The following PI4K2B variants were observed in gnomAD, a reference collection of about 807,000 sequenced individuals.
PI4K2B encodes the protein phosphatidylinositol 4-kinase type 2 beta.
PI4K2B carries 46 observed loss-of-function variants against 56.6 expected under a neutral mutation model. That is an observed-to-expected ratio of 0.81 (90% confidence interval 0.64 to 1.04). The LOEUF (loss-of-function observed/expected upper bound fraction) is 1.04, where lower values mean the gene tolerates loss of function less well. Ranked by LOEUF, PI4K2B falls within the 50% of genes least tolerant of loss-of-function variation. The probability of loss-of-function intolerance (pLI) is 0.00; values close to 1 mark genes in which losing one functional copy is unlikely to be tolerated. For synonymous variants in PI4K2B, 211 were observed against 223.8 expected (o/e 0.94, Z 0.51); for missense variants, 556 against 607.7 (o/e 0.91, Z 0.89).
intron 1 of PI4K2B, among the ~76,000 whole-genome samples, chr4:25,248,999 GGAGTGGTGATGACTCTTAAC>G (rs1215863739): frequency 6.6e-6 from 1 of 151,996 alleles, no homozygotes; most frequent in East Asian, 1.9e-4. Context: ...TTGAGATTAG[GGAGTGGTGATGACTCTTAAC>G]GAGTATGCTG....
intron 9 of PI4K2B, 153 bp from the exon 10 acceptor site, chr4:25,276,858 TATA>T (rs1376922865): frequency 1.5e-5 from 15 of 984,894 alleles, no homozygotes; most frequent in Middle Eastern, 5.2e-4. Context: ...CATACATTCA[TATA>T]ATACATATTT....
intron 7 of PI4K2B, among the ~76,000 whole-genome samples, chr4:25,266,575 G>A (rs1247830524): frequency 6.6e-6 from 1 of 151,974 alleles, no homozygotes; most frequent in African/African-American, 2.4e-5. Flanking sequence ...AAATGTCTTG[G>A]TTCCATTTTA....
chr4:25,258,583 G>GA (rs1008681414), intron 4 of PI4K2B: 15 of 248,468 alleles, frequency 6.0e-5, no homozygotes, highest in Admixed American at 5.3e-4. Flanking sequence ...AAAAAAAAAT[G>GA]AAAAAAAATT....
At chr4:25,258,581 ATG>A in intron 4 of PI4K2B, 8 of 248,894 alleles carry the variant, frequency 3.2e-5, no homozygotes, top group South Asian at 1.5e-4. Context: ...AAAAAAAAAA[ATG>A]AAAAAAAATT....
At chr4:25,252,600 A>G (rs1351232922) in intron 2 of PI4K2B, 125 bp downstream of exon 2, 2 of 769,290 alleles carry the variant, frequency 2.6e-6, no homozygotes, top group Non-Finnish European at 4.2e-6. Context: ...CTTTTCCAAA[A>G]CAAAGGTCAG....
intron 2 of PI4K2B, chr4:25,254,328 A>C (rs1716174334): frequency 1.5e-6 from 1 of 656,508 alleles, no homozygotes; most frequent in Non-Finnish European, 1.9e-6. Flanking sequence ...GCAAACATGT[A>C]ATGTGGATAT....
intron 1 of PI4K2B, among the ~76,000 whole-genome samples, chr4:25,245,233 T>C (rs1479788967): frequency 2.0e-5 from 3 of 152,162 alleles, no homozygotes; most frequent in East Asian, 1.9e-4. Flanking sequence ...TAACAGTTTA[T>C]ACTAGAAGTC....
At chr4:25,235,238 T>C (rs2109078888) in intron 1 of PI4K2B, among the ~76,000 whole-genome samples, 1 of 152,324 alleles carries the variant, frequency 6.6e-6, no homozygotes. Context: ...GACTTGTTTG[T>C]AAAAAGGCGA....
rs988740404 is a variant in PI4K2B at position 25,256,654 on chromosome 4, A to G, written c.736A>G (p.Arg246Gly). Residue 246 changes from arginine (R) to glycine (G), a missense_variant, in exon 4 of 10, where the codon AGG becomes GGG. By Grantham distance (125) the Arg-to-Gly change is moderately radical. Transcript: ENST00000264864. ...KVPKVGRKFHRIGLPPKIGSF... is the reference protein window; with the variant it reads ...KVPKVGRKFHGIGLPPKIGSF... The stretch of plus-strand genomic sequence containing the variant: ...GCCAAAAGTGGGTAGAAAGTTTCAT[A>G]GGATAGGACTCCCTCCTAAGGTAAG... 3 of 1,613,746 alleles carry G rather than the reference A, an allele frequency of 1.9e-6. No homozygotes were observed. The highest frequency in any genetic ancestry group is 3.3e-5 in the Admixed American group (2 of 59,978).
chr4:25,252,915 A>G (rs896590946), intron 2 of PI4K2B, among the ~76,000 whole-genome samples: 3 of 152,148 alleles, frequency 2.0e-5, no homozygotes, highest in African/African-American at 7.2e-5. Context: ...GCCCAGCCTC[A>G]ATGTTTTGCT....
intron 9 of PI4K2B, among the ~76,000 whole-genome samples, chr4:25,270,837 G>T (rs1394742151): frequency 6.6e-6 from 1 of 152,140 alleles, no homozygotes; most frequent in Non-Finnish European, 1.5e-5. Context: ...TTGTCTTTTA[G>T]CGTCTTATAA....
intron 9 of PI4K2B, among the ~76,000 whole-genome samples, chr4:25,271,482 G>A (rs888087296): frequency 1.3e-5 from 2 of 152,186 alleles, no homozygotes; most frequent in Admixed American, 6.5e-5. Context: ...GTAGGGTACA[G>A]ATTTGCTTAG....
At chr4:25,246,945 T>C (rs182597) in intron 1 of PI4K2B, among the ~76,000 whole-genome samples, 125,179 of 152,220 alleles carry the variant, frequency 0.82, 51,543 homozygotes, top group Non-Finnish European at 0.83. Context: ...ACCTGGAACT[T>C]GCGCTGGCCT....
At chr4:25,260,869 ATT>A (rs60224286) in intron 6 of PI4K2B, among the ~76,000 whole-genome samples, 59,980 of 105,330 alleles carry the variant, frequency 0.57, 15,257 homozygotes, top group Non-Finnish European at 0.65. Context: ...TTGATTCTTG[ATT>A]TTTTTTTTTT....
chr4:25,235,998 TAAACAAC>T (rs1371535993), intron 1 of PI4K2B, among the ~76,000 whole-genome samples: 3 of 119,252 alleles, frequency 2.5e-5, no homozygotes, highest in African/African-American at 2.5e-5. Flanking sequence ...CTATAAAAAA[TAAACAAC>T]AACAACAACA....
rs1288133652 is a variant in PI4K2B at position 25,278,289 on chromosome 4, A to C, written c.*1102A>C. On this transcript the variant is annotated 3_prime_UTR_variant, in exon 10 of 10. Coordinates refer to ENST00000264864, the MANE Select transcript of PI4K2B (RefSeq NM_018323.4). Reference sequence around the variant, plus strand: ...GTCTGACATTATTGGAATTTGTAACATTGTTAATGCACTAAGTGATTTAAA... The same window carrying C: ...GTCTGACATTATTGGAATTTGTAACCTTGTTAATGCACTAAGTGATTTAAA... 6.6e-6 allele frequency: 1 copy of C among 152,216 alleles called. No homozygotes were observed. Among genetic ancestry groups the C allele is most frequent in the Non-Finnish European group, 1.5e-5 (1 of 68,042 alleles). The allele number at this position is 152,216 out of a possible 1,614,324, so 9.4% of individuals were successfully genotyped here. A position where few individuals can be genotyped will look rare whatever the true frequency, so the allele number is the denominator to read the frequency against.
chr4:25,268,345 T>G (rs1262548353), intron 7 of PI4K2B, 98 bp from the exon 8 acceptor site: 1 of 958,768 alleles, frequency 1.0e-6, no homozygotes, highest in South Asian at 1.5e-5. Flanking sequence ...TGTCCTTTTT[T>G]GGGGAGAACC....
intron 4 of PI4K2B, among the ~76,000 whole-genome samples, chr4:25,257,587 AG>A (rs1716306677): frequency 6.6e-6 from 1 of 152,206 alleles, no homozygotes; most frequent in Non-Finnish European, 1.5e-5. Flanking sequence ...AAACAAGGGT[AG>A]AGAGGGTTAA....
chr4:25,241,921 T>A (rs1715541730), intron 1 of PI4K2B, among the ~76,000 whole-genome samples: 1 of 152,196 alleles, frequency 6.6e-6, no homozygotes. Context: ...TGCCTCTGGT[T>A]CCCATTCTAC....
Sources: allele counts gnomAD v4.1 joint callset (sites outside exome capture counted in the v4.1 genomes callset), GRCh38; gene constraint gnomAD v4.1.1; transcripts MANE v1.5; gene names NCBI Gene and HGNC (gene_info 2026-07-23, HGNC 2026-07-21).